Variants in DCDC2C observed in about 807,000 individuals in gnomAD.
DCDC2C encodes doublecortin domain-containing protein 2C.
In DCDC2C, 44 loss-of-function variants were observed where a neutral mutation model predicts 45.0. The observed-to-expected ratio is 0.98, with a 90% CI of 0.77 to 1.26. DCDC2C has a LOEUF of 1.26. Among genes scored for constraint, DCDC2C ranks in the 50% most tolerant of loss-of-function variants. The pLI, the probability that DCDC2C is intolerant of heterozygous loss-of-function variation, is 0.00. For missense variants in DCDC2C, 447 were observed against 468.9 expected (o/e 0.95, Z 0.43); for synonymous variants, 187 against 178.8 (o/e 1.05, Z -0.37).
intron 10 of DCDC2C, among the ~76,000 whole-genome samples, chr2:3,806,318 C>A (rs1003372008): frequency 2.0e-5 from 3 of 152,216 alleles, no homozygotes; most frequent in Admixed American, 2.0e-4. Context: ...TCCCTGGAAT[C>A]CCCACGGTTG....
chr2:3,802,293 AG>A (rs1671133449), intron 10 of DCDC2C, among the ~76,000 whole-genome samples: 1 of 152,226 alleles, frequency 6.6e-6, no homozygotes, highest in African/African-American at 2.4e-5. Flanking sequence ...GGTGAAAGTC[AG>A]GTACTGCAAA....
rs137931725 is a variant in DCDC2C at position 3,841,572 on chromosome 2, C to T, written c.1066-5582C>T. ...ATTTTTTATTCTTTTATTTATCAAACGTTTTCTGAGTTTCTTTCATGTGCC... is the reference window on the plus strand; with the variant it reads ...ATTTTTTATTCTTTTATTTATCAAATGTTTTCTGAGTTTCTTTCATGTGCC... On this transcript the variant is annotated intron_variant, in intron 10 of 10. Coordinates refer to ENST00000399143, the MANE Select transcript of DCDC2C (RefSeq NM_001287444.2). Among the ~76,000 whole-genome samples, 1,342 of 152,208 alleles carry T rather than the reference C, an allele frequency of 8.8e-3. 26 individuals carry two copies. The highest frequency in any genetic ancestry group is 0.03 in the African/African-American group (1,256 of 41,500).
chr2:3,800,053 C>T (rs932953681), intron 10 of DCDC2C, among the ~76,000 whole-genome samples: 3 of 152,172 alleles, frequency 2.0e-5, no homozygotes, highest in Non-Finnish European at 4.4e-5. Context: ...GAGCCAGGTG[C>T]GGGATATAAT....
At chr2:3,782,841 G>A (rs540532344) in intron 9 of DCDC2C, among the ~76,000 whole-genome samples, 1 of 152,332 alleles carries the variant, frequency 6.6e-6, no homozygotes, top group African/African-American at 2.4e-5. Flanking sequence ...TTATGTGCAA[G>A]CAGCACTGTT....
At chr2:3,738,573 C>T (rs1669098489) in intron 3 of DCDC2C, among the ~76,000 whole-genome samples, 1 of 122,376 alleles carries the variant, frequency 8.2e-6, no homozygotes, top group Non-Finnish European at 1.6e-5. Flanking sequence ...AAAAAAAAGC[C>T]TCCCAGCTTA....
chr2:3,736,319 G>A (rs1669023909), intron 3 of DCDC2C, among the ~76,000 whole-genome samples: 1 of 152,184 alleles, frequency 6.6e-6, no homozygotes, highest in South Asian at 2.1e-4. Flanking sequence ...GGTTGAGAAA[G>A]AGGCAAGTCG....
At chr2:3,834,126 C>A (rs530409060) in intron 10 of DCDC2C, among the ~76,000 whole-genome samples, 23 of 151,508 alleles carry the variant, frequency 1.5e-4, no homozygotes, top group Admixed American at 1.4e-3. Flanking sequence ...CCAAGCCTCC[C>A]CTGCTGTCAG....
rs1355800329 is a variant in DCDC2C at position 3,761,305 on chromosome 2, T to C, written c.727-6449T>C. ...TCAGAACATTAATATTAAATTCTTC[T>C]GGGCATAGAGCACAAGTGTTCGTAG... On this transcript the variant is annotated intron_variant, in intron 6 of 10. Transcript: ENST00000399143. This position sits in a 1 kb window ranked among gnomAD's most constrained non-coding sequence, Gnocchi z 4.3. Among the ~76,000 whole-genome samples the C allele has an allele frequency of 6.6e-6, 1 of 152,216 alleles. No individual in the cohort carries two copies. Among genetic ancestry groups the C allele is most frequent in the East Asian group, 1.9e-4 (1 of 5,208 alleles).
intron 9 of DCDC2C, among the ~76,000 whole-genome samples, chr2:3,784,063 A>T (rs1453732672): frequency 6.6e-6 from 1 of 152,156 alleles, no homozygotes; most frequent in Non-Finnish European, 1.5e-5. Context: ...TCCAAAAGAC[A>T]TAAGGAAATA....
At chr2:3,732,281 G>T (rs1049661831) in intron 3 of DCDC2C, among the ~76,000 whole-genome samples, 2 of 152,142 alleles carry the variant, frequency 1.3e-5, no homozygotes, top group African/African-American at 4.8e-5. Context: ...AGCCAACTGT[G>T]TCATGGCATC....
intron 6 of DCDC2C, among the ~76,000 whole-genome samples, chr2:3,758,583 G>A (rs1045437050): frequency 6.6e-6 from 1 of 152,200 alleles, no homozygotes; most frequent in African/African-American, 2.4e-5. Context: ...ACCTGAGACA[G>A]GGAGGTCGAC....
Position 3,734,430 on chromosome 2 carries a change from C to T in DCDC2C, c.416+7351C>T, listed in dbSNP as rs1348177515. Among the ~76,000 whole-genome samples the T allele has an allele frequency of 6.6e-6, 1 of 152,056 alleles. No individual in the cohort carries two copies. Among genetic ancestry groups the T allele is most frequent in the Non-Finnish European group, 1.5e-5 (1 of 68,014 alleles). ...TGAGACAATCATCTGATGTTGGTGA[C>T]ACGGGTGTCACTAACATCCACTAAC... On this transcript the variant is annotated intron_variant, in intron 3 of 10. Coordinates refer to ENST00000399143, the MANE Select transcript of DCDC2C (RefSeq NM_001287444.2). This position sits in a 1 kb window ranked among gnomAD's most constrained non-coding sequence, Gnocchi z 4.2.
In DCDC2C at chr2:3,703,586, GTCCCC is replaced by G. The variant is rs1411426336; in HGVS notation, c.-165_-161del. 4 of 650,518 alleles carry G rather than the reference GTCCCC, an allele frequency of 6.1e-6. No homozygotes were observed. The highest frequency in any genetic ancestry group is 8.4e-6 in the Non-Finnish European group (4 of 476,078). 40.3% of individuals were successfully genotyped at this position (650,518 alleles called of 1,614,324 possible). A position where few individuals can be genotyped will look rare whatever the true frequency, so the allele number is the denominator to read the frequency against. On this transcript the variant is annotated 5_prime_UTR_variant, in exon 1 of 11. Coordinates refer to ENST00000399143, the MANE Select transcript of DCDC2C (RefSeq NM_001287444.2). The surrounding 1 kb of genome is among the most constrained non-coding windows in gnomAD (Gnocchi z 4.4). ...TCCGCCCGCCTGGCAGCCCCGTCCC[GTCCCC>G]GTCCAGCCCCCGTCCCGTCCCCGTC...
rs142014853 is a variant in DCDC2C at position 3,719,251 on chromosome 2, A to T, written c.340-7752A>T. Among the ~76,000 whole-genome samples, 1,039 of 151,978 alleles carry T rather than the reference A, an allele frequency of 6.8e-3. 17 individuals carry two copies. Among genetic ancestry groups the T allele is most frequent in the African/African-American group, 0.024 (991 of 41,474 alleles). ...CAGGTGCCCGCCACCATGCCAGCTA[A>T]TTTTTTTGTATTTTTAATAGAGATG... is the stretch of plus-strand genomic sequence containing the variant. On this transcript the variant is annotated intron_variant, in intron 2 of 10. Coordinates refer to ENST00000399143, the MANE Select transcript of DCDC2C (RefSeq NM_001287444.2).
intron 1 of DCDC2C, 109 bp downstream of exon 1, chr2:3,704,147 GCTCGGGCGCC>G: frequency 9.7e-7 from 1 of 1,036,176 alleles, no homozygotes; most frequent in Non-Finnish European, 1.2e-6. Flanking sequence ...TTCCCTCCCG[GCTCGGGCGCC>G]CATCTTTCGG....
At position 3,743,207 on chromosome 2, in the gene DCDC2C, A is replaced by G. The variant is rs201044494; in HGVS notation, c.545+1159A>G. On this transcript the variant is annotated intron_variant, in intron 4 of 10. Coordinates refer to ENST00000399143, the MANE Select transcript of DCDC2C (RefSeq NM_001287444.2). Reference sequence around the variant, plus strand: ...GTCAGCCCATCAAGAATATACAACAATTATCAATATATATATGCAACTGTC... The same window carrying G: ...GTCAGCCCATCAAGAATATACAACAGTTATCAATATATATATGCAACTGTC... Among the ~76,000 whole-genome samples, 27 of 76,442 alleles carry G rather than the reference A, an allele frequency of 3.5e-4. No homozygotes were observed. The South Asian group carries it at 0.015, about 42-fold the overall frequency. The allele number at this position is 76,442 out of a possible 152,430, so 50.1% of individuals were successfully genotyped here. A position where few individuals can be genotyped will look rare whatever the true frequency, so the allele number is the denominator to read the frequency against.
At position 3,785,105 on chromosome 2, in the gene DCDC2C, G is replaced by C; in HGVS notation, c.1065+5G>C. On this transcript the variant is annotated splice_donor_5th_base_variant and intron_variant, in intron 10 of 10. Coordinates refer to ENST00000399143, the MANE Select transcript of DCDC2C (RefSeq NM_001287444.2). ...TGTGAAGACGTTGAAAGAAAGGTTT[G>C]TATCAACAACAAATGCTGTAGTTTT... The C allele has an allele frequency of 4.9e-6, 6 of 1,231,718 alleles. No individual in the cohort carries two copies. Among genetic ancestry groups the C allele is most frequent in the Non-Finnish European group, 5.1e-6 (5 of 987,944 alleles). 76.3% of individuals were successfully genotyped at this position (1,231,718 alleles called of 1,614,324 possible).
chr2:3,719,234 C>T (rs530933087), intron 2 of DCDC2C, among the ~76,000 whole-genome samples: 43 of 152,156 alleles, frequency 2.8e-4, no homozygotes, highest in African/African-American at 7.7e-4. Context: ...TACAGGTGCC[C>T]GCCACCATGC....
At chr2:3,794,522 C>G (rs944866770) in intron 10 of DCDC2C, among the ~76,000 whole-genome samples, 2 of 152,162 alleles carry the variant, frequency 1.3e-5, no homozygotes, top group East Asian at 1.9e-4. Flanking sequence ...CCGCTCCCCC[C>G]ACCCCACAAC....
Sources: gnomAD v4.1 joint callset for allele counts (sites outside exome capture counted in the v4.1 genomes callset) on GRCh38, gnomAD v4.1.1 for gene constraint, Gnocchi (gnomAD v3.1) non-coding constraint, MANE v1.5 for transcripts, NCBI Gene and HGNC (gene_info 2026-07-23, HGNC 2026-07-21) for gene names.